Variants in MAN1A1 observed in about 807,000 individuals in gnomAD.
MAN1A1 encodes the protein mannosidase alpha class 1A member 1.
Under a neutral mutation model 70.8 loss-of-function variants are expected in MAN1A1, and 29 were observed. The ratio of observed to expected loss-of-function variants is 0.41; its 90% confidence interval spans 0.31 to 0.56. The LOEUF (loss-of-function observed/expected upper bound fraction) is 0.56. MAN1A1 is among the 20% of genes least tolerant of loss of function. The probability of loss-of-function intolerance (pLI) is 0.29; values close to 1 mark genes in which losing one functional copy is unlikely to be tolerated. For missense variants in MAN1A1, 747 were observed against 841.3 expected, an observed-to-expected ratio of 0.89 and a Z score of 1.39; for synonymous variants, 349 against 330.1, an observed-to-expected ratio of 1.06 and a Z score of -0.62.
At chr6:119,336,989 T>A (rs916814080) in intron 2 of MAN1A1, among the ~76,000 whole-genome samples, 1 of 152,234 alleles carries the variant, frequency 6.6e-6, no homozygotes, top group Non-Finnish European at 1.5e-5. Context: ...ATAAACACTT[T>A]TCAATAAAAT....
intron 7 of MAN1A1, among the ~76,000 whole-genome samples, chr6:119,203,743 T>A (rs773621164): frequency 1.3e-5 from 2 of 152,076 alleles, no homozygotes; most frequent in Non-Finnish European, 2.9e-5. Flanking sequence ...TAGCAAAGAC[T>A]GGAGAAGCAC....
At chr6:119,347,313 GA>G (rs1295118258) in intron 2 of MAN1A1, among the ~76,000 whole-genome samples, 3 of 152,152 alleles carry the variant, frequency 2.0e-5, no homozygotes, top group Non-Finnish European at 4.4e-5. Flanking sequence ...TTTACTCTCT[GA>G]AAATGGGATC....
chr6:119,217,362 A>C (rs1190137449), intron 6 of MAN1A1, among the ~76,000 whole-genome samples: 2 of 151,972 alleles, frequency 1.3e-5, no homozygotes, highest in African/African-American at 4.8e-5. Flanking sequence ...GCTCACTGCA[A>C]TCTCCCCCTC....
chr6:119,341,753 A>G (rs1000452536), intron 2 of MAN1A1, among the ~76,000 whole-genome samples: 2 of 152,358 alleles, frequency 1.3e-5, no homozygotes, highest in East Asian at 3.9e-4. Flanking sequence ...TTCCTCCAAG[A>G]TGAAACAGAT....
chr6:119,201,816 C>T (rs4946405), intron 7 of MAN1A1, among the ~76,000 whole-genome samples: 132,267 of 152,228 alleles, frequency 0.87, 57,777 homozygotes, highest in South Asian at 0.89. Flanking sequence ...TATCTAAACA[C>T]AGAAAAATAC....
chr6:119,341,385 A>G (rs1460716644), intron 2 of MAN1A1, among the ~76,000 whole-genome samples: 2 of 152,096 alleles, frequency 1.3e-5, no homozygotes, highest in Non-Finnish European at 1.5e-5. Flanking sequence ...CCAGTCACCA[A>G]AGCACACGTT....
intron 2 of MAN1A1, among the ~76,000 whole-genome samples, chr6:119,331,570 CATATATATAT>C (rs10562938): frequency 3.9e-4 from 46 of 117,968 alleles, no homozygotes; most frequent in African/African-American, 1.1e-3. Flanking sequence ...ACATATTATG[CATATATATAT>C]ATATATATAT....
At chr6:119,221,123 A>G (rs1463141457) in intron 6 of MAN1A1, among the ~76,000 whole-genome samples, 1 of 152,186 alleles carries the variant, frequency 6.6e-6, no homozygotes, top group East Asian at 1.9e-4. Context: ...TATCTGAAAA[A>G]ATTTCTGAGC....
intron 6 of MAN1A1, among the ~76,000 whole-genome samples, chr6:119,229,551 A>G (rs772098475): frequency 2.0e-5 from 3 of 152,226 alleles, no homozygotes; most frequent in Non-Finnish European, 4.4e-5. Flanking sequence ...ATGTAGGTAT[A>G]TATTTCACAA....
chr6:119,214,137 T>C (rs557835164), intron 6 of MAN1A1, among the ~76,000 whole-genome samples: 2 of 152,240 alleles, frequency 1.3e-5, no homozygotes, highest in Non-Finnish European at 2.9e-5. Flanking sequence ...GCTTAATTTT[T>C]GTATTTTTAG....
At chr6:119,205,791 C>T (rs1395190569) in intron 6 of MAN1A1, among the ~76,000 whole-genome samples, 1 of 152,200 alleles carries the variant, frequency 6.6e-6, no homozygotes, top group Non-Finnish European at 1.5e-5. Context: ...AAATCCTACA[C>T]TTTTAGTTTA....
chr6:119,296,973 G>A (rs1258507877), intron 4 of MAN1A1, among the ~76,000 whole-genome samples: 1 of 152,108 alleles, frequency 6.6e-6, no homozygotes, highest in Non-Finnish European at 1.5e-5. Flanking sequence ...TTTACAGAGG[G>A]TTAATATAAG....
intron 2 of MAN1A1, among the ~76,000 whole-genome samples, chr6:119,318,729 G>A (rs1241340820): frequency 6.6e-6 from 1 of 152,104 alleles, no homozygotes; most frequent in African/African-American, 2.4e-5. Flanking sequence ...ACCCTGTAGG[G>A]AAAAAGTTAC....
At chr6:119,260,605 A>G (rs1427902199) in intron 5 of MAN1A1, among the ~76,000 whole-genome samples, 2 of 152,200 alleles carry the variant, frequency 1.3e-5, no homozygotes, top group Non-Finnish European at 2.9e-5. Context: ...TACTTTGCTA[A>G]TCCCTGAATT....
intron 11 of MAN1A1, 92 bp downstream of exon 11, chr6:119,188,313 A>G: frequency 8.3e-7 from 1 of 1,203,794 alleles, no homozygotes; most frequent in Non-Finnish European, 1.2e-6. Context: ...ATTAAAAATT[A>G]TAGAAAAGTT....
intron 5 of MAN1A1, among the ~76,000 whole-genome samples, chr6:119,272,581 T>G (rs1476749081): frequency 6.6e-6 from 1 of 152,204 alleles, no homozygotes; most frequent in Non-Finnish European, 1.5e-5. Context: ...TGCTTATCTA[T>G]AGCAATAATA....
chr6:119,206,592 C>T (rs1250909360), intron 6 of MAN1A1, among the ~76,000 whole-genome samples: 2 of 152,110 alleles, frequency 1.3e-5, no homozygotes, highest in African/African-American at 4.8e-5. Context: ...ACAAAATGCC[C>T]TAAATTTATT....
intron 5 of MAN1A1, 81 bp from the exon 6 acceptor site, chr6:119,248,435 T>G (rs1775226186): frequency 5.5e-6 from 4 of 725,280 alleles, no homozygotes; most frequent in African/African-American, 1.8e-5. Flanking sequence ...TAGTTACCAC[T>G]TTTCTACTTT....
intron 5 of MAN1A1, among the ~76,000 whole-genome samples, chr6:119,277,936 C>CAAAAAAAAA (rs58837799): frequency 8.6e-5 from 2 of 23,178 alleles, no homozygotes; most frequent in African/African-American, 1.9e-4. Context: ...GACTCCATCT[C>CAAAAAAAAA]AAAAAAAAAA....
Sources: allele counts gnomAD v4.1 joint callset (sites outside exome capture counted in the v4.1 genomes callset), GRCh38; gene constraint gnomAD v4.1.1; transcripts MANE v1.5; gene names NCBI Gene and HGNC (gene_info 2026-07-23, HGNC 2026-07-21).